The following CDH19 variants were observed in gnomAD, a reference collection of about 807,000 sequenced individuals.
CDH19 encodes cadherin-19.
CDH19 carries 67 observed loss-of-function variants against 64.2 expected under a neutral mutation model. That is an observed-to-expected ratio of 1.04 (90% CI 0.86 to 1.28). The LOEUF is 1.28. Ranked by LOEUF, CDH19 falls within the 50% of genes most tolerant of loss-of-function variation. The pLI is 0.00. For synonymous variants in CDH19, 346 were observed against 319.3 expected (o/e 1.08, Z -0.89); for missense variants, 1,030 against 929.0 (o/e 1.11, Z -1.41).
rs1312227768 is a variant in CDH19 at position 66,505,304 on chromosome 18, T to G, written c.1829-2A>C. 6.5e-7 allele frequency: 1 copy of G among 1,542,338 alleles called. No individual in the cohort carries two copies. Among genetic ancestry groups the G allele is most frequent in the African/African-American group, 1.4e-5 (1 of 72,172 alleles). ...AACCCAAAGTCAAAAAAATAAACCC[T>G]GATGAAGAAAGCACATCAGAATATC... is the stretch of plus-strand genomic sequence containing the variant. On this transcript the variant is annotated splice_acceptor_variant, in intron 11 of 11. Coordinates refer to ENST00000262150, the MANE Select transcript of CDH19 (RefSeq NM_021153.4). LOFTEE classifies it high-confidence loss of function.
chr18:66,546,479 G>C (rs1987122874), intron 5 of CDH19, among the ~76,000 whole-genome samples: 1 of 152,044 alleles, frequency 6.6e-6, no homozygotes, highest in South Asian at 2.1e-4. Context: ...AAATGAAAAA[G>C]AACTGAAATA....
At chr18:66,554,761 T>A (rs1987459394) in intron 3 of CDH19, among the ~76,000 whole-genome samples, 1 of 151,870 alleles carries the variant, frequency 6.6e-6, no homozygotes, top group Non-Finnish European at 1.5e-5. Context: ...ATATGGAATT[T>A]TAAACATGTA....
chr18:66,584,968 T>G lies in CDH19; in HGVS notation c.-112-12652A>C, dbSNP rs181994071. 5.3e-5 allele frequency among the ~76,000 whole-genome samples: 8 copies of G among 152,202 alleles called. No homozygotes were observed. In the East Asian group the frequency reaches 1.5e-3, roughly 29 times the overall value. ...AACCTGTCTTTATTTTTAGTTTTCA[T>G]GTACAATTAAAAAGCACTGTAAACA... On this transcript the variant is annotated intron_variant, in intron 1 of 11. Transcript: ENST00000262150.
chr18:66,573,367 A>G (rs1006490789), intron 1 of CDH19, among the ~76,000 whole-genome samples: 1 of 151,514 alleles, frequency 6.6e-6, no homozygotes, highest in Non-Finnish European at 1.5e-5. Context: ...GGCTCGTGTT[A>G]AGAGGAGTTG....
At chr18:66,541,655 C>A (rs953622060) in intron 7 of CDH19, among the ~76,000 whole-genome samples, 1 of 151,994 alleles carries the variant, frequency 6.6e-6, no homozygotes, top group South Asian at 2.1e-4. Flanking sequence ...CCTCAGTGAT[C>A]CTAACATATG....
At chr18:66,585,125 A>G (rs577456996) in intron 1 of CDH19, among the ~76,000 whole-genome samples, 3 of 152,234 alleles carry the variant, frequency 2.0e-5, no homozygotes, top group East Asian at 3.9e-4. Flanking sequence ...CAGCCACATA[A>G]TTTGGTGCCA....
chr18:66,575,640 G>A (rs1402688140), intron 1 of CDH19, among the ~76,000 whole-genome samples: 1 of 151,762 alleles, frequency 6.6e-6, no homozygotes, highest in Non-Finnish European at 1.5e-5. Context: ...AAGGAAAGTG[G>A]GATGAAGACT....
intron 3 of CDH19, among the ~76,000 whole-genome samples, chr18:66,562,782 T>C (rs1987770088): frequency 6.6e-6 from 1 of 152,144 alleles, no homozygotes; most frequent in South Asian, 2.1e-4. Flanking sequence ...AGCATTCTTG[T>C]AATGTTTAAA....
At chr18:66,547,263 AAAAAG>A (rs951282206) in intron 5 of CDH19, among the ~76,000 whole-genome samples, 1 of 152,108 alleles carries the variant, frequency 6.6e-6, no homozygotes, top group Non-Finnish European at 1.5e-5. Context: ...TAACTCTGAG[AAAAAG>A]AAAAGTAGAA....
rs555912467 is a variant in CDH19 at position 66,535,705 on chromosome 18, TATAAC to T, written c.1215-603_1215-599del. 2.2e-3 allele frequency among the ~76,000 whole-genome samples: 325 copies of T among 147,074 alleles called. 4 individuals are homozygous for T. The highest frequency in any genetic ancestry group is 7.7e-3 in the African/African-American group (315 of 40,742). On this transcript the variant is annotated intron_variant, in intron 7 of 11. Transcript: ENST00000262150. ...AACACATGACATATTTTATTACATA[TATAAC>T]ATATTTGTAATATTTAATACATATA... is the stretch of plus-strand genomic sequence containing the variant.
chr18:66,524,880 G>T (rs185341740), intron 9 of CDH19, among the ~76,000 whole-genome samples: 51 of 152,074 alleles, frequency 3.4e-4, no homozygotes, highest in South Asian at 3.3e-3. Context: ...ATCAAAGAAG[G>T]TGCCACCTTT....
chr18:66,584,971 A>G lies in CDH19; in HGVS notation c.-112-12655T>C, dbSNP rs553877601. On this transcript the variant is annotated intron_variant, in intron 1 of 11. Coordinates refer to ENST00000262150, the MANE Select transcript of CDH19 (RefSeq NM_021153.4). Reference sequence around the variant, plus strand: ...CTGTCTTTATTTTTAGTTTTCATGTACAATTAAAAAGCACTGTAAACACTC... The same window carrying G: ...CTGTCTTTATTTTTAGTTTTCATGTGCAATTAAAAAGCACTGTAAACACTC... 1.4e-4 allele frequency among the ~76,000 whole-genome samples: 22 copies of G among 152,202 alleles called. 1 individual carries two copies. The highest frequency in any genetic ancestry group is 1.0e-3 in the Admixed American group (16 of 15,258).
chr18:66,533,241 T>C (rs1054338565), intron 8 of CDH19, among the ~76,000 whole-genome samples: 17 of 141,650 alleles, frequency 1.2e-4, no homozygotes, highest in African/African-American at 4.6e-4. Context: ...CACACACACA[T>C]CCATGGCCTT....
At chr18:66,552,337 T>C (rs1426732191) in intron 4 of CDH19, among the ~76,000 whole-genome samples, 1 of 152,096 alleles carries the variant, frequency 6.6e-6, no homozygotes, top group Non-Finnish European at 1.5e-5. Context: ...GTATTATTTG[T>C]TGAAATGGTA....
At chr18:66,557,858 T>G (rs1351654218) in intron 3 of CDH19, among the ~76,000 whole-genome samples, 1 of 151,724 alleles carries the variant, frequency 6.6e-6, no homozygotes, top group African/African-American at 2.4e-5. Flanking sequence ...TGTTTTACAT[T>G]TACTGAAAAG....
At chr18:66,579,344 G>T (rs910569263) in intron 1 of CDH19, among the ~76,000 whole-genome samples, 2 of 151,930 alleles carry the variant, frequency 1.3e-5, no homozygotes, top group African/African-American at 4.8e-5. Flanking sequence ...TGTAATAAAA[G>T]AACAAATTAA....
At chr18:66,579,524 A>G (rs750773108) in intron 1 of CDH19, among the ~76,000 whole-genome samples, 1 of 151,888 alleles carries the variant, frequency 6.6e-6, no homozygotes, top group Non-Finnish European at 1.5e-5. Context: ...ATTTTATCAC[A>G]CTCACCACAA....
chr18:66,567,739 T>C (rs1987960375), intron 3 of CDH19, among the ~76,000 whole-genome samples: 1 of 151,802 alleles, frequency 6.6e-6, no homozygotes, highest in Admixed American at 6.6e-5. Context: ...CTTTCCAGTA[T>C]ATTGTGCTAC....
chr18:66,555,918 T>C (rs1568195604), intron 3 of CDH19, among the ~76,000 whole-genome samples: 1 of 151,754 alleles, frequency 6.6e-6, no homozygotes, highest in Non-Finnish European at 1.5e-5. Context: ...ATATTTCCTA[T>C]CTTTGGCTTC....
Sources: gnomAD v4.1 joint callset for allele counts (sites outside exome capture counted in the v4.1 genomes callset) on GRCh38, gnomAD v4.1.1 for gene constraint, MANE v1.5 for transcripts, NCBI Gene and HGNC (gene_info 2026-07-23, HGNC 2026-07-21) for gene names.